The following POLN variants were observed in gnomAD, a reference collection of about 807,000 sequenced individuals.
The protein encoded by POLN is DNA polymerase N.
A neutral mutation model predicts 113.5 loss-of-function variants in POLN; 108 were observed. The ratio of observed to expected loss-of-function variants is 0.95; its 90% confidence interval spans 0.81 to 1.12. The LOEUF (loss-of-function observed/expected upper bound fraction) is 1.12. Among genes scored for constraint, POLN ranks in the 50% most tolerant of loss-of-function variants. The pLI is 0.00. For missense variants in POLN, 1,097 were observed against 1,077.1 expected (o/e 1.02, Z -0.26); for synonymous variants, 386 against 391.5 (o/e 0.99, Z 0.17).
At chr4:2,202,723 C>CAAAAAAAAA (rs34712930) in intron 5 of POLN, among the ~76,000 whole-genome samples, 22 of 36,786 alleles carry the variant, frequency 6.0e-4, no homozygotes, top group East Asian at 7.6e-4. Flanking sequence ...GACTCTGTCT[C>CAAAAAAAAA]AAAAAAAAAA....
rs550469282 is a variant in POLN, at chr4:2,137,202, C to T, written c.1732-5912G>A. On this transcript the variant is annotated intron_variant, in intron 16 of 25. Coordinates refer to ENST00000511885, the MANE Select transcript of POLN (RefSeq NM_181808.4). ...AAAGAAGGTGCTGCTTTTATCATTT[C>T]ATGGATGAGAAAAGTGAGGTTTCCA... Among the ~76,000 whole-genome samples, 12 of 152,330 alleles carry T rather than the reference C, an allele frequency of 7.9e-5. 1 individual carries two copies. The South Asian group carries it at 2.5e-3, about 32-fold the overall frequency.
chr4:2,160,137 T>C (rs925447193), intron 13 of POLN, among the ~76,000 whole-genome samples: 2 of 152,242 alleles, frequency 1.3e-5, no homozygotes, highest in African/African-American at 4.8e-5. Flanking sequence ...CTGGTGTTAA[T>C]TTTAGCTGTT....
At chr4:2,170,993 T>C (rs1479574837) in intron 12 of POLN, 105 bp downstream of exon 12, 1 of 1,105,892 alleles carries the variant, frequency 9.0e-7, no homozygotes, top group Non-Finnish European at 1.3e-6. Flanking sequence ...AAAACTTACT[T>C]TTCAGATAGT....
At chr4:2,135,962 A>C (rs1405434384) in intron 16 of POLN, among the ~76,000 whole-genome samples, 3 of 152,248 alleles carry the variant, frequency 2.0e-5, no homozygotes, top group Admixed American at 2.0e-4. Flanking sequence ...CTGGCCACCC[A>C]GGCCGAGAGC....
chr4:2,121,452 A>ATATATAT (rs60338777), intron 19 of POLN, among the ~76,000 whole-genome samples: 1 of 125,662 alleles, frequency 8.0e-6, no homozygotes, highest in Non-Finnish European at 1.6e-5. Context: ...AAAAAAAAAA[A>ATATATAT]ATATATATAT....
chr4:2,120,166 G>A lies in POLN; in HGVS notation c.1982+7947C>T, dbSNP rs1731406332. 2.0e-5 allele frequency among the ~76,000 whole-genome samples: 3 copies of A among 152,214 alleles called. No homozygotes were observed. In the South Asian group the frequency reaches 6.2e-4, roughly 32 times the overall value. On this transcript the variant is annotated intron_variant, in intron 19 of 25. Coordinates refer to ENST00000511885, the MANE Select transcript of POLN (RefSeq NM_181808.4). Reference sequence around the variant, plus strand: ...CTCTCTTGATTACTATATATATAAAGTTTTAATATCAGGTGGGGTGATTCC... The same window carrying A: ...CTCTCTTGATTACTATATATATAAAATTTTAATATCAGGTGGGGTGATTCC...
intron 23 of POLN, chr4:2,076,640 T>A (rs1730282922): frequency 6.6e-6 from 1 of 152,328 alleles, no homozygotes; most frequent in Non-Finnish European, 1.5e-5. Context: ...CTGCTGCCCG[T>A]CCTTGGCTGG....
intron 19 of POLN, among the ~76,000 whole-genome samples, chr4:2,119,372 GA>G (rs1731389111): frequency 6.6e-6 from 1 of 151,956 alleles, no homozygotes; most frequent in Non-Finnish European, 1.5e-5. Context: ...CTTGGACCCC[GA>G]AGTGCATAAT....
At chr4:2,180,919 T>A (rs1733123991) in intron 7 of POLN, among the ~76,000 whole-genome samples, 1 of 151,826 alleles carries the variant, frequency 6.6e-6, no homozygotes, top group South Asian at 2.1e-4. Flanking sequence ...GAGTAAAACC[T>A]GTAAAAAAGT....
Position 2,078,495 on chromosome 4 carries a change from C to CA in POLN, c.2387+2462dup, listed in dbSNP as rs997949954. ...CTTCTTTTTTTTTTTTTTTGTTAGA[C>CA]AGACTCTCGCTCTCGCCCAGGCTGG... On this transcript the variant is annotated intron_variant, in intron 23 of 25. Coordinates refer to ENST00000511885, the MANE Select transcript of POLN (RefSeq NM_181808.4). 5 of 635,740 alleles carry CA rather than the reference C, an allele frequency of 7.9e-6. No individual in the cohort carries two copies. In the African/African-American group the frequency reaches 8.1e-5, roughly 10 times the overall value. The allele number at this position is 635,740 out of a possible 1,614,324, so 39.4% of individuals were successfully genotyped here.
At chr4:2,193,453 C>T (rs33914019) in intron 6 of POLN, 137 bp from the exon 7 acceptor site, 94,029 of 582,852 alleles carry the variant, frequency 0.16, 13,014 homozygotes, top group African/African-American at 0.54. Flanking sequence ...TCCAAGAGGT[C>T]ACTGTTATTT....
rs559962242 is a variant in POLN, at chr4:2,218,192, G to A, written c.134-5066C>T. On this transcript the variant is annotated intron_variant, in intron 3 of 25. Coordinates refer to ENST00000511885, the MANE Select transcript of POLN (RefSeq NM_181808.4). ...CATGCCTGTAATCCCAGCACTTTGG[G>A]AGGCCAAGGCAGGCGGATCATCTAA... 3.1e-4 allele frequency among the ~76,000 whole-genome samples: 47 copies of A among 151,746 alleles called. No individual in the cohort carries two copies. The South Asian group carries it at 9.4e-3, about 30-fold the overall frequency.
At chr4:2,079,864 C>T (rs1047348609) in intron 23 of POLN, 36 of 985,116 alleles carry the variant, frequency 3.7e-5, no homozygotes, top group African/African-American at 8.7e-5. Context: ...GGATTACAGG[C>T]GTGAGCCACT....
At chr4:2,187,875 C>A (rs1003272809) in intron 7 of POLN, among the ~76,000 whole-genome samples, 13 of 152,064 alleles carry the variant, frequency 8.5e-5, no homozygotes, top group African/African-American at 2.4e-4. Context: ...CTTTGGGAGC[C>A]CAAGGCAGGA....
intron 3 of POLN, among the ~76,000 whole-genome samples, chr4:2,215,029 A>C (rs1318991316): frequency 2.6e-5 from 4 of 152,118 alleles, no homozygotes; most frequent in Non-Finnish European, 4.4e-5. Flanking sequence ...TCTCTAACCA[A>C]ATAATCTCAC....
intron 7 of POLN, among the ~76,000 whole-genome samples, chr4:2,189,610 G>C (rs1372891604): frequency 2.0e-5 from 3 of 147,910 alleles, no homozygotes; most frequent in African/African-American, 7.8e-5. Flanking sequence ...CTGCACTCCA[G>C]CCTGGGCGAC....
At chr4:2,153,237 T>C (rs911490539) in intron 16 of POLN, among the ~76,000 whole-genome samples, 2 of 152,234 alleles carry the variant, frequency 1.3e-5, no homozygotes, top group African/African-American at 2.4e-5. Context: ...TGTCTCTATG[T>C]GTATATGTAC....
intron 7 of POLN, among the ~76,000 whole-genome samples, chr4:2,191,404 G>T (rs534975121): frequency 8.5e-5 from 13 of 152,274 alleles, no homozygotes; most frequent in Admixed American, 2.6e-4. Flanking sequence ...GCAGAAGAAA[G>T]AAGACCTGGT....
In POLN at chr4:2,131,285, G is replaced by C. The variant is rs753600830; in HGVS notation, c.1737C>G (p.Ile579Met). ...TGRLSAKHPN[I>M]QGISKHPIQI... is the part of the protein sequence containing the mutation. Reference sequence around the variant, plus strand: ...GAATTGGGTGCTTGGAGATACCTTGGATATTCTGTTAATAATAAGAGACTA... The same window carrying C: ...GAATTGGGTGCTTGGAGATACCTTGCATATTCTGTTAATAATAAGAGACTA... The change falls in exon 17 of 26, where the codon ATC becomes ATG. Residue 579 changes from isoleucine to methionine, a missense_variant. Physicochemically the swap from Ile to Met is conservative, Grantham distance 10. Coordinates refer to ENST00000511885, the MANE Select transcript of POLN (RefSeq NM_181808.4). 1.3e-6 allele frequency: 2 copies of C among 1,579,036 alleles called. No homozygotes were observed. Among genetic ancestry groups the C allele is most frequent in the East Asian group, 2.2e-5 (1 of 44,472 alleles).
Sources: gnomAD v4.1 joint callset for allele counts (sites outside exome capture counted in the v4.1 genomes callset) on GRCh38, gnomAD v4.1.1 for gene constraint, MANE v1.5 for transcripts, NCBI Gene and HGNC (gene_info 2026-07-23, HGNC 2026-07-21) for gene names.